Variants in POLD3 observed in about 807,000 individuals in gnomAD.
The protein encoded by POLD3 is DNA polymerase delta 3, accessory subunit, also known as DNA polymerase delta subunit 3.
In POLD3, 19 loss-of-function variants were observed where a neutral mutation model predicts 58.2. That is an observed-to-expected ratio of 0.33 (90% CI 0.23 to 0.48). The LOEUF (loss-of-function observed/expected upper bound fraction) is 0.48, where lower values mean the gene tolerates loss of function less well. Among genes scored for constraint, POLD3 ranks in the 20% least tolerant of loss-of-function variants. The pLI is 0.99. For missense variants in POLD3, 504 were observed against 545.5 expected, an observed-to-expected ratio of 0.92 and a Z score of 0.76; for synonymous variants, 172 against 193.5, an observed-to-expected ratio of 0.89 and a Z score of 0.92.
intron 9 of POLD3, among the ~76,000 whole-genome samples, chr11:74,630,855 T>G (rs542622476): frequency 6.6e-6 from 1 of 152,358 alleles, no homozygotes; most frequent in East Asian, 1.9e-4. Flanking sequence ...ACTCATTATA[T>G]CCTTCTGAAA....
At chr11:74,624,474 A>G (rs1199627622) in intron 7 of POLD3, among the ~76,000 whole-genome samples, 1 of 152,244 alleles carries the variant, frequency 6.6e-6, no homozygotes, top group African/African-American at 2.4e-5. Context: ...AGCCCAGACT[A>G]TGATACCAAT....
chr11:74,634,521 A>G, intron 9 of POLD3, 62 bp from the exon 10 acceptor site: 1 of 898,386 alleles, frequency 1.1e-6, no homozygotes, highest in Admixed American at 1.7e-5. Context: ...GAACCAATGG[A>G]GAAGGCTTTA....
chr11:74,614,794 A>G (rs1591301238), intron 5 of POLD3, among the ~76,000 whole-genome samples: 1 of 151,808 alleles, frequency 6.6e-6, no homozygotes, highest in Non-Finnish European at 1.5e-5. Flanking sequence ...CTTTCTTGGT[A>G]TTGAAAGGTT....
intron 4 of POLD3, 22 bp from the exon 5 acceptor site, chr11:74,612,856 T>C (rs2031959189): frequency 6.3e-7 from 1 of 1,598,976 alleles, no homozygotes; most frequent in Non-Finnish European, 8.5e-7. Context: ...ATTAACTGAC[T>C]GCTTTTCCTG....
intron 2 of POLD3, among the ~76,000 whole-genome samples, chr11:74,603,968 A>G (rs2031589178): frequency 6.6e-6 from 1 of 152,182 alleles, no homozygotes; most frequent in South Asian, 2.1e-4. Flanking sequence ...AAGCAACATT[A>G]TTTCTGCATT....
intron 10 of POLD3, 89 bp downstream of exon 10, chr11:74,634,784 T>C: frequency 1.3e-6 from 1 of 764,808 alleles, no homozygotes; most frequent in Non-Finnish European, 2.3e-6. Context: ...TCCCTTGCTG[T>C]ATACTTCACA....
chr11:74,667,748 C>G (rs1170170948), intron 4 of POLD3, among the ~76,000 whole-genome samples: 1 of 152,076 alleles, frequency 6.6e-6, no homozygotes, highest in Non-Finnish European at 1.5e-5. Context: ...ATAAATTGGA[C>G]TTCAAAGGAC....
At chr11:74,654,613 T>C (rs1022884026) in intron 4 of POLD3, among the ~76,000 whole-genome samples, 1 of 152,072 alleles carries the variant, frequency 6.6e-6, no homozygotes, top group African/African-American at 2.4e-5. Context: ...CAAGTAAAAA[T>C]AGTGGGAGTC....
intron 4 of POLD3, among the ~76,000 whole-genome samples, chr11:74,654,910 T>C (rs969987971): frequency 6.6e-5 from 10 of 152,104 alleles, no homozygotes; most frequent in African/African-American, 2.2e-4. Context: ...ACCAGGGAGA[T>C]AATGGGAATG....
At position 74,643,004 on chromosome 11, in the gene POLD3, G is replaced by C; in HGVS notation, c.*2238G>C. 7 of 885,966 alleles carry C rather than the reference G, an allele frequency of 7.9e-6. No homozygotes were observed. Among genetic ancestry groups the C allele is most frequent in the Non-Finnish European group, 9.5e-6 (7 of 739,394 alleles). 54.9% of individuals were successfully genotyped at this position (885,966 alleles called of 1,614,324 possible). A position where few individuals can be genotyped will look rare whatever the true frequency, so the allele number is the denominator to read the frequency against. ...CATCACTTGCTAGCTGTATGACTGT[G>C]GGCAAGTTTCACAGCCTCAAGTTCT... On this transcript the variant is annotated 3_prime_UTR_variant, in exon 12 of 12. Coordinates refer to ENST00000263681, the MANE Select transcript of POLD3 (RefSeq NM_006591.3).
intron 2 of POLD3, among the ~76,000 whole-genome samples, chr11:74,597,009 A>G (rs2031284631): frequency 6.6e-6 from 1 of 152,184 alleles, no homozygotes; most frequent in Admixed American, 6.5e-5. Context: ...ATTAATGGAC[A>G]TTTATTGATT....
Position 74,625,521 on chromosome 11 carries a change from A to G in POLD3, c.847A>G (p.Lys283Glu). 2 of 1,613,924 alleles carry G rather than the reference A, an allele frequency of 1.2e-6. No individual in the cohort carries two copies. The highest frequency in any genetic ancestry group is 1.7e-6 in the Non-Finnish European group (2 of 1,179,908). ...GCTGGCAACTCCTGCAGGCCTGAAAAAATCCAGCAAAAAAGCAGAGCCTGT... is the reference window on the plus strand; with the variant it reads ...GCTGGCAACTCCTGCAGGCCTGAAAGAATCCAGCAAAAAAGCAGAGCCTGT... ...PKLATPAGLK[K>E]SSKKAEPVKV... Residue 283 changes from lysine to glutamate, a missense_variant, in exon 8 of 12, where the codon AAA becomes GAA. Transcript: ENST00000263681.
intron 4 of POLD3, among the ~76,000 whole-genome samples, chr11:74,653,659 TAGAA>T (rs962863284): frequency 9.9e-5 from 15 of 151,746 alleles, no homozygotes; most frequent in African/African-American, 3.1e-4. Context: ...ATGGGACAAA[TAGAA>T]AGCAATAAAA....
In POLD3 at chr11:74,592,612, C is replaced by T. The variant is rs746098618; in HGVS notation, c.-47C>T. On this transcript the variant is annotated 5_prime_UTR_variant, in exon 1 of 12. Coordinates refer to ENST00000263681, the MANE Select transcript of POLD3 (RefSeq NM_006591.3). ...CGTTTCCCGCCGGCGGGAGCTGTGGCTGTGATTGAGAGAGGGGTTAGAGGC... is the reference window on the plus strand; with the variant it reads ...CGTTTCCCGCCGGCGGGAGCTGTGGTTGTGATTGAGAGAGGGGTTAGAGGC... The T allele has an allele frequency of 1.2e-6, 2 of 1,609,614 alleles. No individual in the cohort carries two copies. The highest frequency in any genetic ancestry group is 1.3e-5 in the African/African-American group (1 of 74,966).
At chr11:74,593,889 A>G (rs1159815957) in intron 1 of POLD3, among the ~76,000 whole-genome samples, 172 bp from the exon 2 acceptor site, 1 of 152,214 alleles carries the variant, frequency 6.6e-6, no homozygotes, top group Non-Finnish European at 1.5e-5. Flanking sequence ...TTTAAGATAA[A>G]TAGGTCCTGC....
chr11:74,646,085 G>T (rs1403416506), downstream of POLD3, among the ~76,000 whole-genome samples: 1 of 152,006 alleles, frequency 6.6e-6, no homozygotes, highest in Non-Finnish European at 1.5e-5. Context: ...CGATTCTCCT[G>T]CCTCAGCCTC....
At chr11:74,659,308 C>T (rs370977325) in intron 4 of POLD3, among the ~76,000 whole-genome samples, 106 of 152,248 alleles carry the variant, frequency 7.0e-4, no homozygotes, top group African/African-American at 2.5e-3. Flanking sequence ...TGGGCCTGAC[C>T]TATGAAACCA....
intron 4 of POLD3, among the ~76,000 whole-genome samples, chr11:74,658,418 A>G (rs1406597553): frequency 6.6e-6 from 1 of 151,940 alleles, no homozygotes; most frequent in Non-Finnish European, 1.5e-5. Flanking sequence ...GCCCCTCCAA[A>G]TCTCATGTTC....
intron 7 of POLD3, among the ~76,000 whole-genome samples, chr11:74,623,429 T>C (rs779527003): frequency 2.0e-5 from 3 of 151,982 alleles, no homozygotes; most frequent in Non-Finnish European, 4.4e-5. Flanking sequence ...AGAAAGACTC[T>C]GTCTCAAAAA....
Sources: gnomAD v4.1 joint callset for allele counts (sites outside exome capture counted in the v4.1 genomes callset) on GRCh38, gnomAD v4.1.1 for gene constraint, MANE v1.5 for transcripts, NCBI Gene and HGNC (gene_info 2026-07-23, HGNC 2026-07-21) for gene names.